The following MKKS variants were observed in gnomAD, a reference collection of about 807,000 sequenced individuals.
MKKS encodes MKKS centrosomal shuttling protein, also known as molecular chaperone MKKS.
Under a neutral mutation model 33.2 loss-of-function variants are expected in MKKS, and 29 were observed. The ratio of observed to expected loss-of-function variants is 0.87; its 90% CI spans 0.65 to 1.19. The LOEUF is 1.19. MKKS is among the 50% of genes most tolerant of loss of function. The pLI, the probability that MKKS is intolerant of heterozygous loss-of-function variation, is 0.00. For synonymous variants in MKKS, 260 were observed against 244.0 expected (o/e 1.07, Z -0.61); for missense variants, 661 against 662.3 (o/e 1.00, Z 0.02).
rs377703248 is a variant in MKKS at position 10,427,029 on chromosome 20, GACACACACACACAC to G, written c.-648-6285_-648-6272del. 9.2e-3 allele frequency among the ~76,000 whole-genome samples: 1,205 copies of G among 130,720 alleles called. 11 individuals carry two copies. The highest frequency in any genetic ancestry group is 0.027 in the African/African-American group (857 of 32,288). 85.8% of individuals were successfully genotyped at this position (130,720 alleles called of 152,430 possible). A position where few individuals can be genotyped will look rare whatever the true frequency, so the allele number is the denominator to read the frequency against. On this transcript the variant is annotated intron_variant, in intron 1 of 5. Coordinates refer to ENST00000347364, the MANE Select transcript of MKKS (RefSeq NM_170784.3). ...TTAAAGGCCAAGAAAAGAAAACACT[GACACACACACACAC>G]ACACACACACACACACACACACACA...
intron 2 of MKKS, among the ~76,000 whole-genome samples, chr20:10,414,696 C>A (rs1325806822): frequency 6.6e-6 from 1 of 152,142 alleles, no homozygotes; most frequent in Non-Finnish European, 1.5e-5. Context: ...TATATCAAGT[C>A]ATGTTTGTAA....
At position 10,405,176 on chromosome 20, in the gene MKKS, A is replaced by G. The variant is rs918787701; in HGVS notation, c.*71T>C. ...CAGGGCTTTGGGAGAAAACAAATAC[A>G]CTCACAATTTTTCTCAATTGCCAAC... On this transcript the variant is annotated 3_prime_UTR_variant, in exon 6 of 6. Coordinates refer to ENST00000347364, the MANE Select transcript of MKKS (RefSeq NM_170784.3). 65 of 1,255,784 alleles carry G rather than the reference A, an allele frequency of 5.2e-5. No homozygotes were observed. Among genetic ancestry groups the G allele is most frequent in the Non-Finnish European group, 7.0e-5 (63 of 902,458 alleles). 77.8% of individuals were successfully genotyped at this position (1,255,784 alleles called of 1,614,324 possible).
At chr20:10,415,536 G>A (rs1375164830) in intron 2 of MKKS, among the ~76,000 whole-genome samples, 3 of 152,210 alleles carry the variant, frequency 2.0e-5, no homozygotes, top group Non-Finnish European at 2.9e-5. Flanking sequence ...TGTATGGCAT[G>A]AGGAGGGAAA....
intron 1 of MKKS, among the ~76,000 whole-genome samples, chr20:10,429,667 TC>T (rs1438981806): frequency 1.3e-5 from 2 of 152,186 alleles, no homozygotes; most frequent in Non-Finnish European, 1.5e-5. Context: ...TTCCTCATGC[TC>T]CTCATCAACT....
chr20:10,416,894 TTACACTACA>T (rs946351547), intron 2 of MKKS, among the ~76,000 whole-genome samples: 10 of 152,310 alleles, frequency 6.6e-5, no homozygotes, highest in African/African-American at 2.2e-4. Context: ...ATGAGTGCTT[TTACACTACA>T]ACAGAAAGCT....
At chr20:10,425,288 T>C (rs2065008155) in intron 1 of MKKS, among the ~76,000 whole-genome samples, 2 of 152,220 alleles carry the variant, frequency 1.3e-5, no homozygotes, top group African/African-American at 4.8e-5. Context: ...TTGATTATAA[T>C]GGCGATATCC....
At chr20:10,423,999 G>C (rs953924547) in intron 1 of MKKS, among the ~76,000 whole-genome samples, 1 of 152,134 alleles carries the variant, frequency 6.6e-6, no homozygotes, top group African/African-American at 2.4e-5. Context: ...GGGGGTGAGA[G>C]AGCAAGTAAC....
intron 5 of MKKS, among the ~76,000 whole-genome samples, chr20:10,406,406 T>C (rs2064844745): frequency 1.3e-5 from 2 of 152,208 alleles, no homozygotes; most frequent in South Asian, 4.1e-4. Flanking sequence ...TTTCTGTGTG[T>C]TGATATGTTT....
intron 5 of MKKS, 60 bp downstream of exon 5, chr20:10,407,556 A>G: frequency 1.4e-6 from 2 of 1,437,728 alleles, no homozygotes; most frequent in East Asian, 2.3e-5. Context: ...TTGGCTTATT[A>G]TCTCAGAAAA....
At chr20:10,429,009 A>G (rs1314279983) in intron 1 of MKKS, among the ~76,000 whole-genome samples, 2 of 152,136 alleles carry the variant, frequency 1.3e-5, no homozygotes, top group Admixed American at 6.5e-5. Context: ...TCTCTTTTGC[A>G]TAACTATGAC....
intron 1 of MKKS, among the ~76,000 whole-genome samples, chr20:10,425,548 C>A (rs1409865296): frequency 6.6e-6 from 1 of 152,176 alleles, no homozygotes; most frequent in Non-Finnish European, 1.5e-5. Flanking sequence ...CTGGGAGATC[C>A]AATTTGTGAA....
chr20:10,407,741 A>C lies in MKKS; in HGVS notation c.1162-15T>G, dbSNP rs753555905. On this transcript the variant is annotated splice_polypyrimidine_tract_variant and intron_variant, in intron 4 of 5. Transcript: ENST00000347364. The stretch of plus-strand genomic sequence containing the variant: ...TGACACGTGAGCTAAGAAAAAACCC[A>C]AATCATCAGAATCAGACGTTCACAT... 1.3e-5 allele frequency: 20 copies of C among 1,585,786 alleles called. No individual in the cohort carries two copies. In the South Asian group the frequency reaches 2.2e-4, roughly 18 times the overall value.
chr20:10,415,157 A>G (rs1055674512), intron 2 of MKKS, among the ~76,000 whole-genome samples: 2 of 152,228 alleles, frequency 1.3e-5, no homozygotes, highest in African/African-American at 4.8e-5. Flanking sequence ...ATGTGTGAAA[A>G]GAATAAAAAC....
rs918808736 is a variant in MKKS, at chr20:10,404,858, C to T, written c.*389G>A. ...TGACACTTTGAGATCTAGTTTTATA[C>T]TTTAAGCATATGTAATTACTGCTAA... On this transcript the variant is annotated 3_prime_UTR_variant, in exon 6 of 6. Coordinates refer to ENST00000347364, the MANE Select transcript of MKKS (RefSeq NM_170784.3). The T allele has an allele frequency of 5.5e-5, 9 of 163,968 alleles. No homozygotes were observed. In the East Asian group the frequency reaches 7.0e-4, roughly 13 times the overall value. 10.2% of individuals were successfully genotyped at this position (163,968 alleles called of 1,614,324 possible).
In MKKS at chr20:10,413,553, T is replaced by C; in HGVS notation, c.-39A>G. ...GTAACTAGTGAAGACCGTTTTTATT[T>C]TGTAAACCACATTTTTCTATTTATT... On this transcript the variant is annotated 5_prime_UTR_variant, in exon 3 of 6. Transcript: ENST00000347364. The C allele has an allele frequency of 1.2e-6, 2 of 1,608,298 alleles. No homozygotes were observed. The highest frequency in any genetic ancestry group is 1.7e-6 in the Non-Finnish European group (2 of 1,175,310).
At chr20:10,419,449 A>G (rs1192108122) in intron 2 of MKKS, among the ~76,000 whole-genome samples, 1 of 152,158 alleles carries the variant, frequency 6.6e-6, no homozygotes, top group African/African-American at 2.4e-5. Flanking sequence ...AGTGAAACTC[A>G]ATTTTCATAT....
chr20:10,421,362 T>C (rs1016070337), intron 1 of MKKS, among the ~76,000 whole-genome samples: 1 of 148,148 alleles, frequency 6.8e-6, no homozygotes, highest in Middle Eastern at 3.2e-3. Context: ...AGGTGGAGGT[T>C]GCAGTGAGCC....
At chr20:10,407,872 G>T in intron 4 of MKKS, 146 bp from the exon 5 acceptor site, 1 of 704,760 alleles carries the variant, frequency 1.4e-6, no homozygotes, top group Non-Finnish European at 2.5e-6. Context: ...AGGTTGTCAT[G>T]TGATTAATAC....
Position 10,403,887 on chromosome 20 carries a change from G to T in MKKS, c.*1360C>A, listed in dbSNP as rs1309488140. ...ATACCTAACATATATGGATGGCATT[G>T]CTGCTTGTATTGCTAGTTTTTTCCT... On this transcript the variant is annotated 3_prime_UTR_variant, in exon 6 of 6. Transcript: ENST00000347364. 1 of 152,192 alleles carries T rather than the reference G, an allele frequency of 6.6e-6. No homozygotes were observed. The highest frequency in any genetic ancestry group is 2.4e-5 in the African/African-American group (1 of 41,432). 9.4% of individuals were successfully genotyped at this position (152,192 alleles called of 1,614,324 possible).
Sources: allele counts gnomAD v4.1 joint callset (sites outside exome capture counted in the v4.1 genomes callset), GRCh38; gene constraint gnomAD v4.1.1; transcripts MANE v1.5; gene names NCBI Gene and HGNC (gene_info 2026-07-23, HGNC 2026-07-21).